Variants in RBFOX1 observed in about 807,000 individuals in gnomAD.
RBFOX1 encodes the protein RNA binding protein fox-1 homolog 1.
RBFOX1 carries 8 observed loss-of-function variants against 57.7 expected under a neutral mutation model. The ratio of observed to expected loss-of-function variants is 0.14; its 90% confidence interval spans 0.08 to 0.25. The LOEUF is 0.25. RBFOX1 is among the 10% of genes least tolerant of loss of function. RBFOX1 has a pLI of 1.00. For synonymous variants in RBFOX1, 326 were observed against 222.4 expected (o/e 1.47, Z -4.15); for missense variants, 611 against 548.5 (o/e 1.11, Z -1.14).
intron 4 of RBFOX1, among the ~76,000 whole-genome samples, chr16:7,197,228 T>C (rs1366806110): frequency 2.0e-5 from 3 of 152,126 alleles, no homozygotes; most frequent in Non-Finnish European, 4.4e-5. Context: ...AGCCGTTGTC[T>C]TTAGGGATGA....
At chr16:5,954,207 T>C (rs2059578840) in intron 4 of RBFOX1, among the ~76,000 whole-genome samples, 1 of 152,148 alleles carries the variant, frequency 6.6e-6, no homozygotes, top group Non-Finnish European at 1.5e-5. Flanking sequence ...CTTCATCACA[T>C]ATTCAGGCTG....
chr16:5,498,042 C>T (rs1446760465), intron 2 of RBFOX1, among the ~76,000 whole-genome samples: 1 of 152,088 alleles, frequency 6.6e-6, no homozygotes, highest in East Asian at 1.9e-4. Flanking sequence ...GAGAAGATTC[C>T]AGAGTGGCTG....
At chr16:7,094,423 G>C (rs2151188433) in intron 4 of RBFOX1, among the ~76,000 whole-genome samples, 1 of 152,180 alleles carries the variant, frequency 6.6e-6, no homozygotes, top group Admixed American at 6.5e-5. Context: ...AGGAAAGGTA[G>C]GAAGAGAAAG....
At chr16:6,669,898 A>G (rs999124131) in intron 3 of RBFOX1, among the ~76,000 whole-genome samples, 4 of 152,120 alleles carry the variant, frequency 2.6e-5, no homozygotes, top group Non-Finnish European at 5.9e-5. Flanking sequence ...ATCCTAAGTA[A>G]CCGACCCATG....
intron 4 of RBFOX1, among the ~76,000 whole-genome samples, chr16:7,277,305 C>T (rs997265416): frequency 3.9e-5 from 6 of 152,106 alleles, no homozygotes; most frequent in African/African-American, 1.4e-4. Context: ...TGCAATGCAT[C>T]TGTGGTTACT....
chr16:6,002,538 G>A (rs1596380894), intron 4 of RBFOX1, among the ~76,000 whole-genome samples: 1 of 152,128 alleles, frequency 6.6e-6, no homozygotes, highest in Non-Finnish European at 1.5e-5. Context: ...GGTTGAAGTA[G>A]GTGGAGATAA....
At chr16:6,956,358 G>T (rs1189406588) in intron 3 of RBFOX1, among the ~76,000 whole-genome samples, 1 of 152,184 alleles carries the variant, frequency 6.6e-6, no homozygotes, top group Non-Finnish European at 1.5e-5. Context: ...TTTGCTGCTG[G>T]AGTTCTTCAG....
chr16:5,344,291 G>C (rs1007760946), intron 1 of RBFOX1, among the ~76,000 whole-genome samples: 1 of 152,166 alleles, frequency 6.6e-6, no homozygotes, highest in Non-Finnish European at 1.5e-5. Flanking sequence ...TGTGGTCCCA[G>C]TCCTTTGCCC....
intron 3 of RBFOX1, among the ~76,000 whole-genome samples, chr16:5,643,866 C>G (rs1442474930): frequency 6.6e-6 from 1 of 152,210 alleles, no homozygotes; most frequent in Admixed American, 6.5e-5. Flanking sequence ...CCTGCACACG[C>G]ATAAACAGTA....
intron 5 of RBFOX1, among the ~76,000 whole-genome samples, chr16:7,531,383 C>G (rs1489387452): frequency 6.6e-6 from 1 of 152,146 alleles, no homozygotes; most frequent in Admixed American, 6.5e-5. Flanking sequence ...GTACTACCAG[C>G]TTTCTGTGGA....
At chr16:6,436,670 G>C (rs2094244765) in intron 2 of RBFOX1, among the ~76,000 whole-genome samples, 1 of 151,812 alleles carries the variant, frequency 6.6e-6, no homozygotes, top group Non-Finnish European at 1.5e-5. Context: ...TGATTTTTCT[G>C]TCAATACCCC....
intron 4 of RBFOX1, among the ~76,000 whole-genome samples, chr16:7,246,869 G>A (rs565691398): frequency 6.6e-6 from 1 of 152,164 alleles, no homozygotes; most frequent in South Asian, 2.1e-4. Flanking sequence ...TTGAACTCCA[G>A]TTCTGCCATC....
chr16:6,525,629 G>T (rs1458843695), intron 2 of RBFOX1, among the ~76,000 whole-genome samples: 2 of 152,092 alleles, frequency 1.3e-5, no homozygotes, highest in African/African-American at 2.4e-5. Flanking sequence ...GGCACCAGCA[G>T]GTCTGGTGTC....
At chr16:6,020,275 T>A (rs1238483720) in intron 1 of RBFOX1, among the ~76,000 whole-genome samples, 1 of 152,030 alleles carries the variant, frequency 6.6e-6, no homozygotes, top group Non-Finnish European at 1.5e-5. Context: ...GGCTACCTCG[T>A]CCGTCCTCCT....
intron 3 of RBFOX1, among the ~76,000 whole-genome samples, chr16:5,819,993 C>T (rs2055786996): frequency 6.6e-6 from 1 of 152,204 alleles, no homozygotes; most frequent in South Asian, 2.1e-4. Flanking sequence ...ACATCCCCCA[C>T]CAGACCGGGA....
intron 2 of RBFOX1, among the ~76,000 whole-genome samples, chr16:5,558,043 C>G (rs994396395): frequency 6.6e-6 from 1 of 152,140 alleles, no homozygotes; most frequent in African/African-American, 2.4e-5. Flanking sequence ...GGACTGCCTT[C>G]CCACTCTATC....
intron 14 of RBFOX1, among the ~76,000 whole-genome samples, chr16:7,688,557 A>C (rs1324702148): frequency 6.6e-6 from 1 of 152,058 alleles, no homozygotes. Context: ...TTTAACTCTG[A>C]GAATTCAGCT....
intron 14 of RBFOX1, among the ~76,000 whole-genome samples, chr16:7,698,875 A>G (rs1296693949): frequency 1.3e-5 from 2 of 152,202 alleles, no homozygotes; most frequent in Non-Finnish European, 2.9e-5. Context: ...AATACCCTAT[A>G]AAGTGTGTGC....
At chr16:5,525,325 C>A (rs1270745288) in intron 2 of RBFOX1, among the ~76,000 whole-genome samples, 1 of 151,694 alleles carries the variant, frequency 6.6e-6, no homozygotes, top group South Asian at 2.1e-4. Flanking sequence ...TTATAGGAAC[C>A]CTTCCTCTTG....
Sources: gnomAD v4.1 joint callset for allele counts (sites outside exome capture counted in the v4.1 genomes callset) on GRCh38, gnomAD v4.1.1 for gene constraint, MANE v1.5 for transcripts, NCBI Gene and HGNC (gene_info 2026-07-23, HGNC 2026-07-21) for gene names.